Variants in CCDC85A observed in about 807,000 individuals in gnomAD.
CCDC85A encodes the protein coiled-coil domain containing 85A.
Under a neutral mutation model 50.2 loss-of-function variants are expected in CCDC85A, and 38 were observed. The ratio of observed to expected loss-of-function variants is 0.76; its 90% CI spans 0.58 to 0.99. The LOEUF is 0.99. CCDC85A is among the 50% of genes least tolerant of loss of function. CCDC85A has a pLI of 0.00. For synonymous variants in CCDC85A, 366 were observed against 301.4 expected, an observed-to-expected ratio of 1.21 and a Z score of -2.22; for missense variants, 820 against 742.0, an observed-to-expected ratio of 1.11 and a Z score of -1.22.
chr2:56,304,672 G>T (rs955297859), intron 2 of CCDC85A, among the ~76,000 whole-genome samples: 1 of 152,082 alleles, frequency 6.6e-6, no homozygotes, highest in Non-Finnish European at 1.5e-5. Flanking sequence ...TATCCATGGG[G>T]GAATCTGGGA....
intron 2 of CCDC85A, among the ~76,000 whole-genome samples, chr2:56,311,640 A>G (rs1254858879): frequency 6.6e-6 from 1 of 152,126 alleles, no homozygotes; most frequent in African/African-American, 2.4e-5. Context: ...AGTAACTAAC[A>G]TTTGGTGAGA....
chr2:56,303,800 G>T (rs529351307), intron 2 of CCDC85A, among the ~76,000 whole-genome samples: 1 of 152,164 alleles, frequency 6.6e-6, no homozygotes, highest in African/African-American at 2.4e-5. Context: ...CAAGTGTAAG[G>T]GGTGCTTTAG....
intron 3 of CCDC85A, among the ~76,000 whole-genome samples, chr2:56,368,048 A>G (rs1236006927): frequency 1.3e-5 from 2 of 152,110 alleles, no homozygotes; most frequent in Non-Finnish European, 2.9e-5. Context: ...ATTTGAACTC[A>G]CTGTGTTTCT....
At chr2:56,248,113 T>G (rs576589654) in intron 2 of CCDC85A, among the ~76,000 whole-genome samples, 14 of 152,330 alleles carry the variant, frequency 9.2e-5, no homozygotes, top group Middle Eastern at 3.4e-3. Context: ...TGGCTATTTC[T>G]AGATGTCTCA....
Position 56,270,715 on chromosome 2 carries a change from G to A in CCDC85A, c.1241-72164G>A, listed in dbSNP as rs569614873. 5.3e-5 allele frequency among the ~76,000 whole-genome samples: 8 copies of A among 152,228 alleles called. No homozygotes were observed. The South Asian group carries it at 1.0e-3, about 20-fold the overall frequency. Reference sequence around the variant, plus strand: ...AATGGCTCTCAAAGTTTGGCTTTGCGTGTGCAGTTGAAGGCTGACTGATTT... The same window carrying A: ...AATGGCTCTCAAAGTTTGGCTTTGCATGTGCAGTTGAAGGCTGACTGATTT... On this transcript the variant is annotated intron_variant, in intron 2 of 5. Transcript: ENST00000407595.
intron 2 of CCDC85A, among the ~76,000 whole-genome samples, chr2:56,223,727 A>G (rs956098207): frequency 2.6e-5 from 4 of 152,132 alleles, no homozygotes; most frequent in Non-Finnish European, 5.9e-5. Flanking sequence ...AAAAATGCTC[A>G]CTATCTCTAT....
rs1214106018 is a variant in CCDC85A, at chr2:56,385,333, A to G, written c.*978A>G. 1.3e-5 allele frequency: 2 copies of G among 152,234 alleles called. No homozygotes were observed. The highest frequency in any genetic ancestry group is 4.8e-5 in the African/African-American group (2 of 41,402). The allele number at this position is 152,234 out of a possible 1,614,324, so 9.4% of individuals were successfully genotyped here. On this transcript the variant is annotated 3_prime_UTR_variant, in exon 6 of 6. Coordinates refer to ENST00000407595, the MANE Select transcript of CCDC85A (RefSeq NM_001080433.2). The stretch of plus-strand genomic sequence containing the variant: ...CTGCAGCTATCTAACATTTTATGAA[A>G]CTGACGCATGTCCTTCATTATTGAG...
intron 2 of CCDC85A, among the ~76,000 whole-genome samples, chr2:56,296,432 C>A (rs1271579466): frequency 6.6e-6 from 1 of 152,122 alleles, no homozygotes; most frequent in Non-Finnish European, 1.5e-5. Flanking sequence ...AGAAGAGGAC[C>A]TTTTGAAGCC....
intron 2 of CCDC85A, among the ~76,000 whole-genome samples, chr2:56,266,043 C>T (rs1242124962): frequency 1.3e-5 from 2 of 152,082 alleles, no homozygotes; most frequent in East Asian, 3.9e-4. Context: ...AAGCCAGACA[C>T]GGAAAGACAA....
At chr2:56,246,010 C>T (rs1470580477) in intron 2 of CCDC85A, among the ~76,000 whole-genome samples, 2 of 152,176 alleles carry the variant, frequency 1.3e-5, no homozygotes, top group African/African-American at 4.8e-5. Flanking sequence ...CTGCAACCTC[C>T]ACCTCCTGGG....
rs1268906472 is a variant in CCDC85A at position 56,375,954 on chromosome 2, C to T, written c.1572+19C>T. 6.2e-6 allele frequency: 10 copies of T among 1,606,722 alleles called. No individual in the cohort carries two copies. The South Asian group carries it at 1.1e-4, about 18-fold the overall frequency. On this transcript the variant is annotated intron_variant, in intron 5 of 5. Transcript: ENST00000407595. Reference sequence around the variant, plus strand: ...TCTTAAGGTAACCAATCGTGTGCAACCATTTATCCAGAGCTTCAGTTGTGT... The same window carrying T: ...TCTTAAGGTAACCAATCGTGTGCAATCATTTATCCAGAGCTTCAGTTGTGT...
chr2:56,347,178 G>A (rs1674670452), intron 3 of CCDC85A, among the ~76,000 whole-genome samples: 2 of 152,186 alleles, frequency 1.3e-5, no homozygotes, highest in African/African-American at 4.8e-5. Context: ...AATTTCCAGA[G>A]CTGGATAGAA....
chr2:56,214,244 G>T (rs1677303599), intron 2 of CCDC85A, among the ~76,000 whole-genome samples: 2 of 151,948 alleles, frequency 1.3e-5, no homozygotes, highest in Non-Finnish European at 2.9e-5. Flanking sequence ...TCTCTCATTT[G>T]TAAGAAGAGG....
At chr2:56,306,938 A>G (rs1672473943) in intron 2 of CCDC85A, among the ~76,000 whole-genome samples, 1 of 152,070 alleles carries the variant, frequency 6.6e-6, no homozygotes, top group East Asian at 1.9e-4. Flanking sequence ...TTTCTAGTTC[A>G]GGAAATTTTA....
intron 2 of CCDC85A, among the ~76,000 whole-genome samples, chr2:56,231,538 T>C (rs545973834): frequency 6.6e-6 from 1 of 152,266 alleles, no homozygotes; most frequent in African/African-American, 2.4e-5. Flanking sequence ...GAATTGTCTA[T>C]AGACTCATGA....
intron 2 of CCDC85A, among the ~76,000 whole-genome samples, chr2:56,198,197 A>G (rs767371936): frequency 6.6e-6 from 1 of 152,266 alleles, no homozygotes. Context: ...TTGTCTGTGA[A>G]TTAAGTAGTG....
intron 2 of CCDC85A, among the ~76,000 whole-genome samples, chr2:56,262,807 G>A (rs185795706): frequency 2.0e-5 from 3 of 152,316 alleles, no homozygotes; most frequent in Admixed American, 6.5e-5. Flanking sequence ...TATGATGCCA[G>A]CACAGCAGTT....
chr2:56,189,702 A>G (rs755296910), intron 1 of CCDC85A, among the ~76,000 whole-genome samples: 10 of 152,196 alleles, frequency 6.6e-5, no homozygotes, highest in Non-Finnish European at 1.3e-4. Flanking sequence ...GGTACTGAGC[A>G]TAGTATCCGA....
intron 2 of CCDC85A, among the ~76,000 whole-genome samples, chr2:56,335,591 G>A (rs1242782052): frequency 1.4e-5 from 2 of 146,408 alleles, no homozygotes; most frequent in Admixed American, 6.8e-5. Context: ...CAGCAAGAGG[G>A]GGCCAAACTC....
Sources: allele counts gnomAD v4.1 joint callset (sites outside exome capture counted in the v4.1 genomes callset), GRCh38; gene constraint gnomAD v4.1.1; transcripts MANE v1.5; gene names NCBI Gene and HGNC (gene_info 2026-07-23, HGNC 2026-07-21).